The following CFAP91 variants were observed in gnomAD, a reference collection of about 807,000 sequenced individuals.
CFAP91 encodes cilia- and flagella-associated protein 91.
A neutral mutation model predicts 95.9 loss-of-function variants in CFAP91; 85 were observed. The ratio of observed to expected loss-of-function variants is 0.89; its 90% CI spans 0.74 to 1.06. The LOEUF is 1.06. Among genes scored for constraint, CFAP91 ranks in the 50% least tolerant of loss-of-function variants. The pLI is 0.00. For missense variants in CFAP91, 962 were observed against 943.4 expected (o/e 1.02, Z -0.26); for synonymous variants, 335 against 327.5 (o/e 1.02, Z -0.25).
Position 119,703,143 on chromosome 3 carries a change from G to A in CFAP91, c.45G>A (p.Gln15=). Residue 15 remains glutamine, a synonymous_variant, in exon 1 of 18, where the codon CAG becomes CAA. Transcript: ENST00000273390. Reference sequence around the variant, plus strand: ...TCGAGGAGCCCCAGGCCCAGCCGCAGGTGTCTCAAACTCGGTACCGGGAGA... The same window carrying A: ...TCGAGGAGCCCCAGGCCCAGCCGCAAGTGTCTCAAACTCGGTACCGGGAGA... The part of the protein sequence containing the change: ...VTIEEPQAQP[Q]VSQTRYRERS... 1 of 1,591,250 alleles carries A rather than the reference G, an allele frequency of 6.3e-7. No individual in the cohort carries two copies.
At chr3:119,751,155 T>C (rs1360313966) in intron 17 of CFAP91, 57 bp downstream of exon 17, 1 of 1,538,460 alleles carries the variant, frequency 6.5e-7, no homozygotes, top group African/African-American at 1.4e-5. Flanking sequence ...AGCGGCATTG[T>C]TCAGCTTTGT....
At chr3:119,714,274 G>A (rs1228830576) in intron 5 of CFAP91, among the ~76,000 whole-genome samples, 1 of 151,432 alleles carries the variant, frequency 6.6e-6, no homozygotes, top group African/African-American at 2.4e-5. Flanking sequence ...GCTGAGGCAG[G>A]AGAATGGCCT....
At chr3:119,732,653 A>G (rs1400430267) in intron 9 of CFAP91, among the ~76,000 whole-genome samples, 177 bp downstream of exon 9, 4 of 152,248 alleles carry the variant, frequency 2.6e-5, no homozygotes, top group African/African-American at 7.2e-5. Flanking sequence ...TGGACACACT[A>G]TAGAACAGTT....
At chr3:119,737,057 G>A (rs1010506210) in intron 10 of CFAP91, among the ~76,000 whole-genome samples, 5 of 151,932 alleles carry the variant, frequency 3.3e-5, no homozygotes, top group African/African-American at 4.8e-5. Flanking sequence ...CAGGCTGGTC[G>A]GTTAATATAT....
At position 119,738,332 on chromosome 3, in the gene CFAP91, C is replaced by CTTTTTTTTTTTTTTTTTTT. The variant is rs556125660; in HGVS notation, c.1461+866_1461+884dup. ...TGCAGGGCTTTGGTTGACATATTGTCTTTTTTTTTTTTTTTTTTTTTTTTT... is the reference window on the plus strand; with the variant it reads ...TGCAGGGCTTTGGTTGACATATTGTCTTTTTTTTTTTTTTTTTTTTTTTTTTTTTTTTTTTTTTTTTTTT... On this transcript the variant is annotated intron_variant, in intron 11 of 17. Transcript: ENST00000273390. Among the ~76,000 whole-genome samples, 60 of 23,070 alleles carry CTTTTTTTTTTTTTTTTTTT rather than the reference C, an allele frequency of 2.6e-3. 20 individuals are homozygous for CTTTTTTTTTTTTTTTTTTT. Among genetic ancestry groups the CTTTTTTTTTTTTTTTTTTT allele is most frequent in the South Asian group, 6.7e-3 (2 of 298 alleles). The allele number at this position is 23,070 out of a possible 152,430, so 15.1% of individuals were successfully genotyped here.
intron 1 of CFAP91, 143 bp from the exon 2 acceptor site, chr3:119,706,666 G>C (rs1012183847): frequency 1.2e-5 from 8 of 651,824 alleles, no homozygotes; most frequent in Non-Finnish European, 1.9e-5. Flanking sequence ...ATGCACAACA[G>C]AGCATGAGCT....
At position 119,707,173 on chromosome 3, in the gene CFAP91, C is replaced by G. The variant is rs1369565181; in HGVS notation, c.202-231C>G. The stretch of plus-strand genomic sequence containing the variant: ...AATTCAAGTAGTATAAAAGCATATA[C>G]AGTGTGAAGTAAATTCTAGCCCTAT... On this transcript the variant is annotated intron_variant, in intron 2 of 17. Transcript: ENST00000273390. The G allele has an allele frequency of 9.3e-6, 5 of 536,940 alleles. No homozygotes were observed. In the East Asian group the frequency reaches 1.4e-4, roughly 15 times the overall value. The allele number at this position is 536,940 out of a possible 1,614,324, so 33.3% of individuals were successfully genotyped here. A position where few individuals can be genotyped will look rare whatever the true frequency, so the allele number is the denominator to read the frequency against.
At chr3:119,751,827 T>C (rs1216836273) in intron 17 of CFAP91, among the ~76,000 whole-genome samples, 1 of 152,196 alleles carries the variant, frequency 6.6e-6, no homozygotes, top group African/African-American at 2.4e-5. Context: ...GAATCTCTTG[T>C]AATAATTCCA....
At chr3:119,709,128 A>T (rs13092631) in intron 4 of CFAP91, among the ~76,000 whole-genome samples, 27,722 of 152,226 alleles carry the variant, frequency 0.18, 2,678 homozygotes, top group Admixed American at 0.22. Context: ...TAAACCAACA[A>T]GGCCAAAAGG....
chr3:119,733,627 A>C, intron 10 of CFAP91, 121 bp downstream of exon 10: 2 of 1,022,156 alleles, frequency 2.0e-6, no homozygotes, highest in Non-Finnish European at 2.9e-6. Context: ...TCTGCTCTGC[A>C]CTTTTCTGAG....
Position 119,715,758 on chromosome 3 carries a change from C to T in CFAP91, c.682+15C>T. On this transcript the variant is annotated intron_variant, in intron 6 of 17. Transcript: ENST00000273390. ...GCTTACTTGGGGTGAGTTGGTAAAT[C>T]TCCTGACTATTGGCAGATGACGATG... The T allele has an allele frequency of 6.2e-7, 1 of 1,611,016 alleles. No homozygotes were observed. The highest frequency in any genetic ancestry group is 1.1e-5 in the South Asian group (1 of 90,988).
At chr3:119,741,653 C>T (rs558542222) in intron 13 of CFAP91, among the ~76,000 whole-genome samples, 21 of 152,198 alleles carry the variant, frequency 1.4e-4, no homozygotes, top group Non-Finnish European at 2.5e-4. Flanking sequence ...CCCTCTCCCA[C>T]TTTTCTGTAA....
At chr3:119,746,764 G>A (rs1167040133) in intron 14 of CFAP91, among the ~76,000 whole-genome samples, 1 of 152,216 alleles carries the variant, frequency 6.6e-6, no homozygotes, top group Non-Finnish European at 1.5e-5. Context: ...CTGTGCTACA[G>A]TTAGATAGTT....
chr3:119,747,851 G>C lies in CFAP91; in HGVS notation c.2092G>C (p.Val698Leu). ...LQSEEIVAELVYSFLIPEVQK... is the reference protein window; with the variant it reads ...LQSEEIVAELLYSFLIPEVQK... ...GTCAGAGGAGATTGTTGCTGAGTTGGTTTATAGTTTTCTGATCCCAGAGGT... is the reference window on the plus strand; with the variant it reads ...GTCAGAGGAGATTGTTGCTGAGTTGCTTTATAGTTTTCTGATCCCAGAGGT... The change falls in exon 16 of 18, where the codon GTT (valine) becomes CTT (leucine). Residue 698 changes from valine to leucine, a missense_variant. Val to Leu is a conservative substitution (Grantham distance 32). Coordinates refer to ENST00000273390, the MANE Select transcript of CFAP91 (RefSeq NM_033364.4). 1 of 1,613,650 alleles carries C rather than the reference G, an allele frequency of 6.2e-7. No individual in the cohort carries two copies. Among genetic ancestry groups the C allele is most frequent in the Non-Finnish European group, 8.5e-7 (1 of 1,179,790 alleles).
chr3:119,758,864 T>G (rs540667273), intron 17 of CFAP91, among the ~76,000 whole-genome samples: 1 of 152,202 alleles, frequency 6.6e-6, no homozygotes, highest in South Asian at 2.1e-4. Flanking sequence ...TTGCAATCAA[T>G]TTCAATGACT....
At chr3:119,705,777 G>GTAT (rs1380914740) in intron 1 of CFAP91, among the ~76,000 whole-genome samples, 13 of 152,110 alleles carry the variant, frequency 8.5e-5, no homozygotes, top group Admixed American at 7.9e-4. Context: ...TTTTGTTGAT[G>GTAT]TATTCTAAGC....
intron 13 of CFAP91, 183 bp downstream of exon 13, chr3:119,740,878 G>A (rs1224020935): frequency 2.1e-6 from 1 of 469,342 alleles, no homozygotes; most frequent in Non-Finnish European, 3.4e-6. Context: ...TGTGTGTGAT[G>A]GAGTTTCACT....
intron 14 of CFAP91, among the ~76,000 whole-genome samples, chr3:119,746,616 G>C (rs1426315111): frequency 1.3e-5 from 2 of 152,170 alleles, no homozygotes; most frequent in African/African-American, 4.8e-5. Context: ...GTCAGAACGT[G>C]GTCATATGGG....
At chr3:119,706,731 T>C (rs2053371647) in intron 1 of CFAP91, 78 bp from the exon 2 acceptor site, 1 of 1,067,050 alleles carries the variant, frequency 9.4e-7, no homozygotes, top group African/African-American at 1.6e-5. Flanking sequence ...ATTAAGAGAT[T>C]ACATTACTTT....
Sources: gnomAD v4.1 joint callset for allele counts (sites outside exome capture counted in the v4.1 genomes callset) on GRCh38, gnomAD v4.1.1 for gene constraint, MANE v1.5 for transcripts, NCBI Gene and HGNC (gene_info 2026-07-23, HGNC 2026-07-21) for gene names.